Variants in VPS8 observed in about 807,000 individuals in gnomAD.
The protein encoded by VPS8 is vacuolar protein sorting-associated protein 8 homolog.
In VPS8, 129 loss-of-function variants were observed where a neutral mutation model predicts 216.4. The observed-to-expected ratio is 0.60, with a 90% CI of 0.52 to 0.69. VPS8 has a LOEUF of 0.69. Among genes scored for constraint, VPS8 ranks in the 30% least tolerant of loss-of-function variants. VPS8 has a pLI of 0.00. For missense variants in VPS8, 1,531 were observed against 1,683.5 expected (o/e 0.91, Z 1.59); for synonymous variants, 571 against 565.4 (o/e 1.01, Z -0.14).
At chr3:184,951,364 A>G (rs142629853) in intron 36 of VPS8, among the ~76,000 whole-genome samples, 5 of 152,072 alleles carry the variant, frequency 3.3e-5, no homozygotes, top group Admixed American at 2.6e-4. Flanking sequence ...CCACACCTAT[A>G]GTCTCAGTTA....
At chr3:184,860,113 T>G in intron 15 of VPS8, 48 bp downstream of exon 15, 1 of 1,418,136 alleles carries the variant, frequency 7.1e-7, no homozygotes. Flanking sequence ...ATGTAATTGT[T>G]CTGAATCTAT....
intron 21 of VPS8, among the ~76,000 whole-genome samples, chr3:184,875,672 T>A (rs1041770602): frequency 6.6e-6 from 1 of 152,014 alleles, no homozygotes; most frequent in African/African-American, 2.4e-5. Context: ...ACCCATTCTT[T>A]ATAGAGCCAG....
Position 184,868,950 on chromosome 3 carries a change from T to A in VPS8, c.1511T>A (p.Val504Glu). Residue 504 changes from valine (V) to glutamate (E), a missense_variant, in exon 19 of 48, where the codon GTG becomes GAG. Val to Glu is a moderately radical substitution (Grantham distance 121). Transcript: ENST00000625842. The part of the protein sequence containing the change: ...VMMLRSWRER[V>E]DHLLKQDCLT... ...TCTCTCATTTTTCCGTTTTAGAGAG[T>A]GGATCATCTCCTGAAACAAGATTGT... 1 of 1,606,324 alleles carries A rather than the reference T, an allele frequency of 6.2e-7. No individual in the cohort carries two copies. Among genetic ancestry groups the A allele is most frequent in the Non-Finnish European group, 8.5e-7 (1 of 1,176,436 alleles).
chr3:184,882,912 T>A (rs948642616), intron 21 of VPS8, among the ~76,000 whole-genome samples: 7 of 152,186 alleles, frequency 4.6e-5, no homozygotes, highest in African/African-American at 1.7e-4. Context: ...ATCCTCTGCT[T>A]CATTCCTGAT....
chr3:184,904,442 GC>G (rs1321286421), intron 25 of VPS8, among the ~76,000 whole-genome samples: 3 of 152,178 alleles, frequency 2.0e-5, no homozygotes, highest in African/African-American at 7.2e-5. Context: ...TTTTTCTGCA[GC>G]TATTAAGATT....
chr3:184,961,764 T>TTTTTG (rs1746561727), intron 37 of VPS8, among the ~76,000 whole-genome samples: 1 of 151,972 alleles, frequency 6.6e-6, no homozygotes, highest in African/African-American at 2.4e-5. Context: ...GTTTTTGTTT[T>TTTTTG]TTTTGTTTTT....
chr3:184,849,218 T>G (rs747754664), intron 9 of VPS8, 23 bp downstream of exon 9: 4 of 1,601,544 alleles, frequency 2.5e-6, no homozygotes, highest in South Asian at 2.2e-5. Context: ...CCTCCTTTAA[T>G]TCATAAGACA....
intron 22 of VPS8, among the ~76,000 whole-genome samples, chr3:184,891,972 G>A (rs2108912520): frequency 6.6e-6 from 1 of 152,232 alleles, no homozygotes; most frequent in South Asian, 2.1e-4. Flanking sequence ...TCTTTTTGAA[G>A]TTATAAATGA....
chr3:184,976,383 CT>C (rs1032466821), intron 40 of VPS8, among the ~76,000 whole-genome samples: 49 of 147,584 alleles, frequency 3.3e-4, no homozygotes, highest in African/African-American at 7.7e-4. Context: ...TGTATTTGGA[CT>C]TTTTTTTTTG....
intron 36 of VPS8, 27 bp downstream of exon 36, chr3:184,940,270 T>TCA: frequency 1.7e-6 from 1 of 578,732 alleles, no homozygotes; most frequent in Non-Finnish European, 2.6e-6. Context: ...TAGTCTTTCA[T>TCA]TATATATATA....
At chr3:184,995,822 C>A (rs540304175) in intron 43 of VPS8, among the ~76,000 whole-genome samples, 4 of 152,298 alleles carry the variant, frequency 2.6e-5, no homozygotes, top group African/African-American at 9.6e-5. Context: ...AAAATGTGAT[C>A]TCTCTGCCCA....
chr3:185,000,988 A>G (rs561458259), intron 45 of VPS8, among the ~76,000 whole-genome samples: 65 of 152,292 alleles, frequency 4.3e-4, no homozygotes, highest in African/African-American at 1.5e-3. Flanking sequence ...TCCAGATAAC[A>G]ATGTAGAACT....
At position 184,868,021 on chromosome 3, in the gene VPS8, C is replaced by T. The variant is rs769998399; in HGVS notation, c.1471-3C>T. The T allele has an allele frequency of 3.1e-6, 5 of 1,612,436 alleles. No individual in the cohort carries two copies. The highest frequency in any genetic ancestry group is 4.2e-6 in the Non-Finnish European group (5 of 1,179,476). ...TTTTAATTTCCATCTCTTTACTTTC[C>T]AGTCTGTTTATGTGATGATGCTGAG... On this transcript the variant is annotated splice_region_variant and splice_polypyrimidine_tract_variant and intron_variant, in intron 17 of 47. Coordinates refer to ENST00000625842, the MANE Select transcript of VPS8 (RefSeq NM_001009921.3).
chr3:184,835,954 C>T (rs1429990559), intron 5 of VPS8, among the ~76,000 whole-genome samples: 2 of 152,082 alleles, frequency 1.3e-5, no homozygotes, highest in Non-Finnish European at 2.9e-5. Context: ...TGTGATCCGC[C>T]CGCCTCAGCC....
chr3:184,827,251 A>G (rs13095264), intron 3 of VPS8, among the ~76,000 whole-genome samples: 1 of 152,088 alleles, frequency 6.6e-6, no homozygotes. Context: ...TCTGTCAATT[A>G]TGTCTTTTAT....
At position 184,834,696 on chromosome 3, in the gene VPS8, G is replaced by A. The variant is rs757074426; in HGVS notation, c.401G>A (p.Arg134His). 4 of 1,562,940 alleles carry A rather than the reference G, an allele frequency of 2.6e-6. No homozygotes were observed. The highest frequency in any genetic ancestry group is 1.2e-5 in the South Asian group (1 of 84,918). ...TTTTCACTTCATGGATCAGTTATGC[G>A]CCATTCACTTTTGAAGGGAATTTCT... is the stretch of plus-strand genomic sequence containing the variant. ...DSFSLHGSVMRHSLLKGISAQ... is the reference protein window; with the variant it reads ...DSFSLHGSVMHHSLLKGISAQ... The change falls in exon 5 of 48, where the codon CGC (arginine) becomes CAC (histidine). Residue 134 changes from arginine (R) to histidine (H), a missense_variant. Around this residue, in one of 3 missense-constraint regions of VPS8, gnomAD observed 199 missense variants for 182.2 expected, o/e 1.09. Transcript: ENST00000625842.
chr3:184,961,161 G>A (rs530624522), intron 37 of VPS8, among the ~76,000 whole-genome samples: 1 of 152,312 alleles, frequency 6.6e-6, no homozygotes, highest in Admixed American at 6.5e-5. Flanking sequence ...AGTAAGTTTA[G>A]CACATTCATT....
chr3:184,879,478 G>T (rs1201888655), intron 21 of VPS8, among the ~76,000 whole-genome samples: 1 of 151,988 alleles, frequency 6.6e-6, no homozygotes, highest in Non-Finnish European at 1.5e-5. Flanking sequence ...TGTCTATCTC[G>T]AAAGCCCTTA....
intron 23 of VPS8, among the ~76,000 whole-genome samples, chr3:184,897,649 T>A (rs1307414236): frequency 1.3e-5 from 2 of 151,672 alleles, no homozygotes; most frequent in African/African-American, 4.8e-5. Context: ...GTCGTAGGAG[T>A]CCCAGAACAG....
Sources: gnomAD v4.1 joint callset for allele counts (sites outside exome capture counted in the v4.1 genomes callset) on GRCh38, gnomAD v4.1.1 for gene constraint, gnomAD v4.1.1 regional missense constraint, MANE v1.5 for transcripts, NCBI Gene and HGNC (gene_info 2026-07-23, HGNC 2026-07-21) for gene names.